Variants in SULT1E1 observed in about 807,000 individuals in gnomAD.
SULT1E1 encodes the protein sulfotransferase 1E1.
SULT1E1 carries 36 observed loss-of-function variants against 33.6 expected under a neutral mutation model. The ratio of observed to expected loss-of-function variants is 1.07; its 90% confidence interval spans 0.82 to 1.41. The LOEUF (loss-of-function observed/expected upper bound fraction) is 1.41, where lower values mean the gene tolerates loss of function less well. Ranked by LOEUF, SULT1E1 falls within the 40% of genes most tolerant of loss-of-function variation. The pLI is 0.00. For synonymous variants in SULT1E1, 121 were observed against 111.7 expected (o/e 1.08, Z -0.53); for missense variants, 371 against 345.7 (o/e 1.07, Z -0.58).
downstream of SULT1E1, among the ~76,000 whole-genome samples, chr4:69,838,884 A>C (rs990496127): frequency 6.6e-6 from 1 of 152,218 alleles, no homozygotes; most frequent in Non-Finnish European, 1.5e-5. Context: ...TGGATCTCAC[A>C]CTTAAGGAAT....
chr4:69,842,017 G>A lies in SULT1E1; in HGVS notation c.862C>T (p.Leu288=). 6.2e-7 allele frequency: 1 copy of A among 1,608,714 alleles called. No individual in the cohort carries two copies. The highest frequency in any genetic ancestry group is 8.5e-7 in the Non-Finnish European group (1 of 1,176,864). The change falls in exon 8 of 8, where the codon CTG becomes TTG. Residue 288 remains leucine (L), a synonymous_variant. Coordinates refer to ENST00000226444, the MANE Select transcript of SULT1E1 (RefSeq NM_005420.3). ...HYEQQMKEST[L]KFRTEI is the part of the protein sequence containing the mutation. ...TCTTAGATCTCAGTTCGAAACTTCAGTGTAGATTCCTTCATTTGCTGCTCA... is the reference window on the plus strand; with the variant it reads ...TCTTAGATCTCAGTTCGAAACTTCAATGTAGATTCCTTCATTTGCTGCTCA...
intron 6 of SULT1E1, among the ~76,000 whole-genome samples, chr4:69,844,851 C>A (rs1330261784): frequency 1.3e-5 from 2 of 152,056 alleles, no homozygotes; most frequent in Non-Finnish European, 2.9e-5. Flanking sequence ...CATATCTGTG[C>A]CACTCCTATA....
At chr4:69,826,595 C>T in the SULT1E1 span, among the ~76,000 whole-genome samples, 3 of 152,036 alleles carry the variant, frequency 2.0e-5, no homozygotes, top group Admixed American at 6.6e-5. Flanking sequence ...AACAGGCTCA[C>T]CCTTGAAATG....
At chr4:69,858,194 T>A (rs1376610480) in intron 1 of SULT1E1, among the ~76,000 whole-genome samples, 1 of 152,142 alleles carries the variant, frequency 6.6e-6, no homozygotes, top group African/African-American at 2.4e-5. Flanking sequence ...AAGATGAAAT[T>A]AATTACACTG....
the SULT1E1 span, among the ~76,000 whole-genome samples, chr4:69,826,313 A>G: frequency 6.6e-6 from 1 of 152,120 alleles, no homozygotes; most frequent in Non-Finnish European, 1.5e-5. Context: ...GGTAAGGGCC[A>G]CTAAATCTGA....
intron 5 of SULT1E1, among the ~76,000 whole-genome samples, chr4:69,848,320 C>A (rs1721023823): frequency 6.6e-6 from 1 of 151,742 alleles, no homozygotes; most frequent in South Asian, 2.1e-4. Context: ...CATTCTCACT[C>A]CAGGAAATTA....
chr4:69,848,116 G>T (rs1217964913), intron 5 of SULT1E1, among the ~76,000 whole-genome samples: 1 of 141,500 alleles, frequency 7.1e-6, no homozygotes, highest in African/African-American at 2.6e-5. Context: ...GTGTGTGTGT[G>T]TAGAATCAAA....
chr4:69,858,259 C>T (rs562075512), intron 1 of SULT1E1, among the ~76,000 whole-genome samples: 2 of 152,086 alleles, frequency 1.3e-5, no homozygotes, highest in South Asian at 2.1e-4. Flanking sequence ...TCCTCTGTGA[C>T]CTTTAAAATT....
intron 5 of SULT1E1, 47 bp from the exon 6 acceptor site, chr4:69,847,839 A>T: frequency 8.3e-7 from 1 of 1,209,538 alleles, no homozygotes; most frequent in Non-Finnish European, 1.2e-6. Context: ...CATCTCTAAA[A>T]CTGCTCGAAA....
the SULT1E1 span, among the ~76,000 whole-genome samples, chr4:69,824,458 C>A: frequency 6.6e-6 from 1 of 152,188 alleles, no homozygotes; most frequent in Non-Finnish European, 1.5e-5. Context: ...TGGTCAGTCT[C>A]CCAGAGGAGG....
At chr4:69,850,907 A>G (rs980207227) in intron 4 of SULT1E1, among the ~76,000 whole-genome samples, 2 of 152,068 alleles carry the variant, frequency 1.3e-5, no homozygotes, top group Admixed American at 1.3e-4. Context: ...TTTACTGTAC[A>G]TGCTCATTTT....
At position 69,844,224 on chromosome 4, in the gene SULT1E1, T is replaced by C; in HGVS notation, c.709A>G (p.Thr237Ala). The C allele has an allele frequency of 1.2e-6, 2 of 1,614,020 alleles. No homozygotes were observed. The highest frequency in any genetic ancestry group is 1.3e-5 in the African/African-American group (1 of 75,046). ...SFQEMKNNPS[T>A]NYTTLPDEIM... ...TCGTCTGGCAGTGTTGTGTAATTTG[T>C]GGATGGATTGTTCTTCATCTCTTGG... is the stretch of plus-strand genomic sequence containing the variant. The change falls in exon 7 of 8, where the codon ACA (threonine) becomes GCA (alanine). Residue 237 changes from threonine (T) to alanine (A), a missense_variant. Transcript: ENST00000226444.
At chr4:69,844,366 A>G (rs1257204435) in intron 6 of SULT1E1, 25 bp from the exon 7 acceptor site, 3 of 1,560,612 alleles carry the variant, frequency 1.9e-6, no homozygotes. Context: ...TGTTTTGAGA[A>G]CTAAATTGCT....
intron 2 of SULT1E1, 86 bp downstream of exon 2, chr4:69,857,414 G>A (rs1356997462): frequency 2.1e-6 from 3 of 1,452,240 alleles, no homozygotes; most frequent in Non-Finnish European, 2.8e-6. Flanking sequence ...TAGAGAATGA[G>A]TGTGTACGAC....
At chr4:69,831,388 A>T in the SULT1E1 span, among the ~76,000 whole-genome samples, 1 of 152,112 alleles carries the variant, frequency 6.6e-6, no homozygotes, top group Non-Finnish European at 1.5e-5. Flanking sequence ...GTTTTATATA[A>T]TATTGAGGCA....
chr4:69,857,354 G>T, intron 2 of SULT1E1, 146 bp downstream of exon 2: 1 of 979,854 alleles, frequency 1.0e-6, no homozygotes, highest in Non-Finnish European at 1.4e-6. Context: ...TCATGGAATA[G>T]AGCTACCTTT....
chr4:69,841,682 A>G lies in SULT1E1; in HGVS notation c.*312T>C, dbSNP rs1720888153. The G allele has an allele frequency of 5.4e-6, 1 of 186,312 alleles. No individual in the cohort carries two copies. The highest frequency in any genetic ancestry group is 1.6e-4 in the East Asian group (1 of 6,400). 11.5% of individuals were successfully genotyped at this position (186,312 alleles called of 1,614,324 possible). A position where few individuals can be genotyped will look rare whatever the true frequency, so the allele number is the denominator to read the frequency against. ...TAAGACCTCATCTCTACAAAAAAAC[A>G]TTAAAAAAATTAGCCAAACATGGTT... is the stretch of plus-strand genomic sequence containing the variant. On this transcript the variant is annotated 3_prime_UTR_variant, in exon 8 of 8. Transcript: ENST00000226444.
intron 6 of SULT1E1, among the ~76,000 whole-genome samples, chr4:69,847,420 ATG>A (rs927394034): frequency 6.6e-6 from 1 of 150,556 alleles, no homozygotes; most frequent in African/African-American, 2.4e-5. Flanking sequence ...GTGTGTGCCT[ATG>A]TGTGTGTGTT....
chr4:69,829,759 C>G, the SULT1E1 span, among the ~76,000 whole-genome samples: 28 of 152,298 alleles, frequency 1.8e-4, no homozygotes, highest in Non-Finnish European at 2.4e-4. Flanking sequence ...CTTTCTGAAA[C>G]TCCAATGGCT....
Sources: allele counts gnomAD v4.1 joint callset (sites outside exome capture counted in the v4.1 genomes callset), GRCh38; gene constraint gnomAD v4.1.1; transcripts MANE v1.5; gene names NCBI Gene and HGNC (gene_info 2026-07-23, HGNC 2026-07-21).